Variants in SMYD3 observed in about 807,000 individuals in gnomAD.
The protein encoded by SMYD3 is histone-lysine N-methyltransferase SMYD3.
In SMYD3, 36 loss-of-function variants were observed where a neutral mutation model predicts 57.7. The observed-to-expected ratio is 0.62, with a 90% confidence interval of 0.48 to 0.82. The LOEUF (loss-of-function observed/expected upper bound fraction) is 0.82, where lower values mean the gene tolerates loss of function less well. Ranked by LOEUF, SMYD3 falls within the 40% of genes least tolerant of loss-of-function variation. SMYD3 has a pLI of 0.00. For missense variants in SMYD3, 515 were observed against 538.8 expected (o/e 0.96, Z 0.44); for synonymous variants, 211 against 195.0 (o/e 1.08, Z -0.68).
At chr1:245,878,980 G>A (rs545627211) in intron 8 of SMYD3, among the ~76,000 whole-genome samples, 2 of 152,296 alleles carry the variant, frequency 1.3e-5, no homozygotes, top group Non-Finnish European at 2.9e-5. Context: ...AAACCAATTT[G>A]TATTTGTTTG....
intron 1 of SMYD3, among the ~76,000 whole-genome samples, chr1:246,457,475 G>T (rs1188588039): frequency 7.0e-6 from 1 of 143,642 alleles, no homozygotes; most frequent in Non-Finnish European, 1.5e-5. Flanking sequence ...GGAGGGTGCA[G>T]TGAGCTGAGA....
intron 5 of SMYD3, among the ~76,000 whole-genome samples, chr1:246,240,028 C>T (rs1196877717): frequency 2.0e-5 from 3 of 152,106 alleles, no homozygotes; most frequent in Non-Finnish European, 4.4e-5. Context: ...AATTTTCTCC[C>T]ATTCTGTAGG....
chr1:246,357,725 T>C (rs1379668803), intron 1 of SMYD3, among the ~76,000 whole-genome samples: 1 of 152,116 alleles, frequency 6.6e-6, no homozygotes, highest in Non-Finnish European at 1.5e-5. Context: ...CTAAGCTTCA[T>C]AAATGAAGTA....
chr1:246,467,270 A>G lies in SMYD3; in HGVS notation c.164+39784T>C, dbSNP rs145673376. Among the ~76,000 whole-genome samples, 621 of 152,332 alleles carry G rather than the reference A, an allele frequency of 4.1e-3. 2 individuals are homozygous for G. Among genetic ancestry groups the G allele is most frequent in the African/African-American group, 0.014 (568 of 41,578 alleles). On this transcript the variant is annotated intron_variant, in intron 1 of 11. Coordinates refer to ENST00000490107, the MANE Select transcript of SMYD3 (RefSeq NM_001167740.2). ...TTACTTAGGACAGGAGAGACACATC[A>G]TTTGACAGAATTAGATTTCACATAC...
At chr1:246,119,831 C>A (rs889609833) in intron 5 of SMYD3, among the ~76,000 whole-genome samples, 4 of 152,182 alleles carry the variant, frequency 2.6e-5, no homozygotes, top group Non-Finnish European at 5.9e-5. Flanking sequence ...GAATTCTATT[C>A]TCTATGTCTC....
At chr1:246,161,916 T>C (rs1264431018) in intron 5 of SMYD3, among the ~76,000 whole-genome samples, 1 of 152,134 alleles carries the variant, frequency 6.6e-6, no homozygotes, top group South Asian at 2.1e-4. Flanking sequence ...CAGGCAATAG[T>C]GCATGTGTGT....
chr1:246,226,014 T>C (rs2063325263), intron 5 of SMYD3, among the ~76,000 whole-genome samples: 1 of 152,236 alleles, frequency 6.6e-6, no homozygotes, highest in African/African-American at 2.4e-5. Context: ...TAGTCACCTT[T>C]GACAAGATCG....
intron 1 of SMYD3, among the ~76,000 whole-genome samples, chr1:246,387,622 G>C (rs893351430): frequency 2.0e-5 from 3 of 152,194 alleles, no homozygotes; most frequent in African/African-American, 7.2e-5. Flanking sequence ...AGAGCAGAGA[G>C]ACCTGAAGCA....
chr1:246,035,231 G>C (rs1337704884), intron 5 of SMYD3: 1 of 152,170 alleles, frequency 6.6e-6, no homozygotes, highest in Admixed American at 6.5e-5. Context: ...ATCAAAACCT[G>C]GCAATTTGCC....
chr1:245,752,321 C>G (rs2045422833), intron 11 of SMYD3, among the ~76,000 whole-genome samples: 1 of 152,200 alleles, frequency 6.6e-6, no homozygotes, highest in African/African-American at 2.4e-5. Flanking sequence ...TCCCTCCCTG[C>G]CCTCACAGAG....
intron 5 of SMYD3, among the ~76,000 whole-genome samples, chr1:246,002,517 A>G (rs2059087819): frequency 1.2e-5 from 1 of 81,090 alleles, no homozygotes; most frequent in Non-Finnish European, 2.5e-5. Flanking sequence ...ACGGGGTTTC[A>G]CCATGTTAGC....
intron 5 of SMYD3, among the ~76,000 whole-genome samples, chr1:245,982,058 C>T (rs2058609076): frequency 1.3e-5 from 2 of 152,230 alleles, no homozygotes; most frequent in African/African-American, 4.8e-5. Context: ...CAGAGACATT[C>T]TCCCTTTAAA....
intron 5 of SMYD3, among the ~76,000 whole-genome samples, chr1:246,069,332 G>A (rs534561499): frequency 6.6e-6 from 1 of 152,302 alleles, no homozygotes; most frequent in South Asian, 2.1e-4. Flanking sequence ...AAAGCTTCGT[G>A]CCAGATATCT....
chr1:246,287,149 GGCGTGAGC>G (rs1189464054), intron 5 of SMYD3, among the ~76,000 whole-genome samples: 1 of 152,110 alleles, frequency 6.6e-6, no homozygotes, highest in Non-Finnish European at 1.5e-5. Context: ...AAGGATTATA[GGCGTGAGC>G]CACAGTGCCC....
intron 5 of SMYD3, among the ~76,000 whole-genome samples, chr1:246,165,172 C>T (rs550682349): frequency 2.0e-5 from 3 of 152,288 alleles, no homozygotes; most frequent in Middle Eastern, 3.4e-3. Flanking sequence ...TGCTGCTCAT[C>T]GCAACTACAG....
intron 5 of SMYD3, among the ~76,000 whole-genome samples, chr1:246,138,633 G>T (rs1204252259): frequency 6.8e-6 from 1 of 146,900 alleles, no homozygotes; most frequent in South Asian, 2.2e-4. Context: ...CACCGTGTTA[G>T]CCAGGATGGT....
intron 5 of SMYD3, among the ~76,000 whole-genome samples, chr1:245,966,409 T>C (rs1046185563): frequency 6.6e-6 from 1 of 152,050 alleles, no homozygotes; most frequent in Non-Finnish European, 1.5e-5. Flanking sequence ...CCTCAAGAAC[T>C]CCTCCCACCT....
At chr1:245,795,336 T>G (rs1413365043) in intron 10 of SMYD3, among the ~76,000 whole-genome samples, 3 of 152,218 alleles carry the variant, frequency 2.0e-5, no homozygotes, top group African/African-American at 4.8e-5. Context: ...CCTCCCATCA[T>G]AGTGAGGATG....
At chr1:246,273,161 T>TTTTTTTGG (rs2064258201) in intron 5 of SMYD3, among the ~76,000 whole-genome samples, 3 of 131,078 alleles carry the variant, frequency 2.3e-5, no homozygotes, top group Non-Finnish European at 3.3e-5. Flanking sequence ...TTCTTTTTTT[T>TTTTTTTGG]GGGGGGGGGA....
Sources: allele counts gnomAD v4.1 joint callset (sites outside exome capture counted in the v4.1 genomes callset), GRCh38; gene constraint gnomAD v4.1.1; transcripts MANE v1.5; gene names NCBI Gene and HGNC (gene_info 2026-07-23, HGNC 2026-07-21).